PAPPA: variants seen among roughly 807,000 people sequenced by gnomAD.
The protein encoded by PAPPA is pappalysin 1, also known as pappalysin-1.
Under a neutral mutation model 164.0 loss-of-function variants are expected in PAPPA, and 60 were observed. That is an observed-to-expected ratio of 0.37 (90% confidence interval 0.30 to 0.45). The LOEUF (loss-of-function observed/expected upper bound fraction) is 0.45. Among genes scored for constraint, PAPPA ranks in the 20% least tolerant of loss-of-function variants. PAPPA has a pLI of 1.00. For missense variants in PAPPA, 1,782 were observed against 2,087.3 expected (o/e 0.85, Z 2.85); for synonymous variants, 875 against 814.1 (o/e 1.07, Z -1.27).
Position 116,154,163 on chromosome 9 carries a change from AC to A in PAPPA, c.-8del. The A allele has an allele frequency of 6.9e-7, 1 of 1,457,570 alleles. No individual in the cohort carries two copies. The highest frequency in any genetic ancestry group is 9.1e-7 in the Non-Finnish European group (1 of 1,099,776). The allele number at this position is 1,457,570 out of a possible 1,614,324, so 90.3% of individuals were successfully genotyped here. A position where few individuals can be genotyped will look rare whatever the true frequency, so the allele number is the denominator to read the frequency against. ...CAGGGGCGAAGGGGGGGCGGGGGGA[AC>A]CGTCGGACATGCGGCTCTGGAGTTG... On this transcript the variant is annotated 5_prime_UTR_variant, in exon 1 of 22. Coordinates refer to ENST00000328252, the MANE Select transcript of PAPPA (RefSeq NM_002581.5). This position sits in a 1 kb window ranked among gnomAD's most constrained non-coding sequence, Gnocchi z 5.2.
intron 6 of PAPPA, among the ~76,000 whole-genome samples, chr9:116,228,414 A>G (rs1462619036): frequency 6.6e-6 from 1 of 152,140 alleles, no homozygotes; most frequent in East Asian, 1.9e-4. Flanking sequence ...ACACCAGTGC[A>G]TCAGAGGGAG....
At chr9:116,163,569 CAGACACTTCCT>C (rs1172643995) in intron 1 of PAPPA, among the ~76,000 whole-genome samples, 2 of 152,164 alleles carry the variant, frequency 1.3e-5, no homozygotes, top group Admixed American at 6.5e-5. Context: ...GACACTTCTA[CAGACACTTCCT>C]AGGATTCTAT....
At chr9:116,313,050 A>T (rs189548704) in intron 10 of PAPPA, among the ~76,000 whole-genome samples, 1 of 145,726 alleles carries the variant, frequency 6.9e-6, no homozygotes, top group East Asian at 2.1e-4. Flanking sequence ...GCCACTGCAC[A>T]CCAGCCTAGG....
chr9:116,385,984 A>T (rs1222161222), intron 21 of PAPPA, among the ~76,000 whole-genome samples: 2 of 152,242 alleles, frequency 1.3e-5, no homozygotes, highest in African/African-American at 4.8e-5. Flanking sequence ...AGGTCCGAGA[A>T]AGCTTCTCTG....
chr9:116,192,683 G>A (rs1242465051), intron 2 of PAPPA, among the ~76,000 whole-genome samples: 1 of 152,156 alleles, frequency 6.6e-6, no homozygotes, highest in African/African-American at 2.4e-5. Context: ...TATGAGACTA[G>A]CCAGTTAGAA....
At chr9:116,339,630 C>CT (rs537482817) in intron 13 of PAPPA, among the ~76,000 whole-genome samples, 201 of 152,298 alleles carry the variant, frequency 1.3e-3, no homozygotes, top group Non-Finnish European at 2.4e-3. Context: ...GAGCACTTGT[C>CT]TTTTTTGTTG....
chr9:116,330,479 C>T (rs373990560), intron 10 of PAPPA, among the ~76,000 whole-genome samples: 5 of 152,144 alleles, frequency 3.3e-5, no homozygotes, highest in East Asian at 1.9e-4. Flanking sequence ...AACCAGTAAA[C>T]GAAGTGACAT....
intron 1 of PAPPA, among the ~76,000 whole-genome samples, chr9:116,183,605 A>G (rs545407170): frequency 6.6e-6 from 1 of 152,252 alleles, no homozygotes; most frequent in East Asian, 1.9e-4. Context: ...CATTGCCACC[A>G]TACACCCCCA....
At chr9:116,223,469 T>C (rs1215659709) in intron 5 of PAPPA, among the ~76,000 whole-genome samples, 2 of 152,204 alleles carry the variant, frequency 1.3e-5, no homozygotes, top group Non-Finnish European at 2.9e-5. Context: ...TTACACAGTG[T>C]CCTTAGCTTC....
chr9:116,395,778 C>T (rs1317121657), intron 21 of PAPPA, among the ~76,000 whole-genome samples: 1 of 152,324 alleles, frequency 6.6e-6, no homozygotes, highest in East Asian at 1.9e-4. Flanking sequence ...ACCATGCGAT[C>T]TATTCCCTAC....
At chr9:116,368,084 A>G (rs1051072941) in intron 19 of PAPPA, among the ~76,000 whole-genome samples, 1 of 152,210 alleles carries the variant, frequency 6.6e-6, no homozygotes, top group African/African-American at 2.4e-5. Context: ...GCATAGAGCC[A>G]GGTTTCAGAC....
chr9:116,193,554 G>A (rs1427072710), intron 2 of PAPPA, among the ~76,000 whole-genome samples: 2 of 152,140 alleles, frequency 1.3e-5, no homozygotes, highest in Non-Finnish European at 2.9e-5. Flanking sequence ...GGGCTGAGCT[G>A]CGATGGAGAC....
intron 1 of PAPPA, among the ~76,000 whole-genome samples, chr9:116,173,398 AG>A (rs1351969087): frequency 6.6e-6 from 1 of 152,190 alleles, no homozygotes; most frequent in Non-Finnish European, 1.5e-5. Flanking sequence ...CTGAGACTTT[AG>A]TCCTGGCTCT....
chr9:116,378,694 GTA>G (rs1846687379), intron 20 of PAPPA, among the ~76,000 whole-genome samples: 1 of 152,144 alleles, frequency 6.6e-6, no homozygotes, highest in Admixed American at 6.5e-5. Flanking sequence ...TTTTCTTGGT[GTA>G]TAGAGTAGAA....
At chr9:116,157,220 G>A (rs10983071) in intron 1 of PAPPA, among the ~76,000 whole-genome samples, 1,644 of 152,270 alleles carry the variant, frequency 0.011, 61 homozygotes, top group Admixed American at 0.064. Context: ...CTGGTAGGCG[G>A]GCTATGCTCC....
At chr9:116,165,849 G>A (rs1234251178) in intron 1 of PAPPA, among the ~76,000 whole-genome samples, 2 of 152,106 alleles carry the variant, frequency 1.3e-5, no homozygotes, top group Non-Finnish European at 2.9e-5. Flanking sequence ...AGTGTAACTT[G>A]TTCCCTACCT....
intron 20 of PAPPA, among the ~76,000 whole-genome samples, chr9:116,381,479 A>G (rs574889040): frequency 6.6e-6 from 1 of 152,326 alleles, no homozygotes; most frequent in African/African-American, 2.4e-5. Context: ...GGGATGAGGA[A>G]ATACAAGTGA....
At position 116,196,725 on chromosome 9, in the gene PAPPA, G is replaced by C. The variant is rs548980994; in HGVS notation, c.1478+8509G>C. 3.9e-5 allele frequency among the ~76,000 whole-genome samples: 6 copies of C among 152,238 alleles called. No homozygotes were observed. The East Asian group carries it at 9.7e-4, about 25-fold the overall frequency. The stretch of plus-strand genomic sequence containing the variant: ...GCTCGTGTTTTCCCATTTTTCAGAG[G>C]AGCATTTTCTGTCTTCCTCCTTTCT... On this transcript the variant is annotated intron_variant, in intron 2 of 21. Coordinates refer to ENST00000328252, the MANE Select transcript of PAPPA (RefSeq NM_002581.5).
At chr9:116,266,862 C>T (rs1023082941) in intron 8 of PAPPA, among the ~76,000 whole-genome samples, 4 of 152,152 alleles carry the variant, frequency 2.6e-5, no homozygotes, top group Middle Eastern at 3.2e-3. Flanking sequence ...AATTATGTTC[C>T]TCATTGCTAA....
Sources: allele counts gnomAD v4.1 joint callset (sites outside exome capture counted in the v4.1 genomes callset), GRCh38; gene constraint gnomAD v4.1.1; non-coding constraint Gnocchi (gnomAD v3.1); transcripts MANE v1.5; gene names NCBI Gene and HGNC (gene_info 2026-07-23, HGNC 2026-07-21).